The following UNC13B variants were observed in gnomAD, a reference collection of about 807,000 sequenced individuals.
UNC13B encodes protein unc-13 homolog B.
In UNC13B, 144 loss-of-function variants were observed where a neutral mutation model predicts 211.0. The observed-to-expected ratio is 0.68, with a 90% confidence interval of 0.60 to 0.78. UNC13B has a LOEUF of 0.78. Among genes scored for constraint, UNC13B ranks in the 30% least tolerant of loss-of-function variants. The pLI is 0.00. For missense variants in UNC13B, 1,777 were observed against 2,002.0 expected (o/e 0.89, Z 2.14); for synonymous variants, 709 against 725.8 (o/e 0.98, Z 0.37).
intron 7 of UNC13B, among the ~76,000 whole-genome samples, chr9:35,289,699 G>T (rs948869170): frequency 9.9e-5 from 15 of 152,156 alleles, no homozygotes; most frequent in African/African-American, 3.6e-4. Context: ...ATTCTTGGCT[G>T]AGCATGGTGG....
intron 30 of UNC13B, 76 bp from the exon 31 acceptor site, chr9:35,398,135 G>A (rs1029254305): frequency 3.3e-5 from 46 of 1,395,148 alleles, no homozygotes; most frequent in Non-Finnish European, 3.6e-5. Context: ...GCTTTTGTGA[G>A]AGAGGGAGGG....
chr9:35,218,528 G>C (rs1824383210), intron 1 of UNC13B, among the ~76,000 whole-genome samples: 2 of 151,436 alleles, frequency 1.3e-5, no homozygotes, highest in Admixed American at 1.3e-4. Context: ...TGCCTCCCAG[G>C]CTCCATTTTT....
rs1228949207 is a variant in UNC13B at position 35,377,394 on chromosome 9, C to A, written c.9836-74C>A. ...GCATAGTTTCTCCACTGCTCTGCAG[C>A]CTCTCCCAGGCCCCATTCCTCAGCT... On this transcript the variant is annotated intron_variant, in intron 15 of 39. Transcript: ENST00000635942. 4 of 1,485,620 alleles carry A rather than the reference C, an allele frequency of 2.7e-6. No individual in the cohort carries two copies. The Admixed American group carries it at 5.5e-5, about 20-fold the overall frequency. The allele number at this position is 1,485,620 out of a possible 1,614,324, so 92.0% of individuals were successfully genotyped here.
chr9:35,351,611 G>T, intron 11 of UNC13B: 2 of 1,232,228 alleles, frequency 1.6e-6, no homozygotes, highest in Non-Finnish European at 2.0e-6. Flanking sequence ...TAAGGCTAAG[G>T]CAGAGACCAT....
intron 22 of UNC13B, 178 bp from the exon 23 acceptor site, chr9:35,385,546 T>A (rs888988436): frequency 1.0e-6 from 1 of 985,328 alleles, no homozygotes; most frequent in Non-Finnish European, 1.2e-6. Flanking sequence ...GGCAAGAGCC[T>A]GTTTGCATCA....
chr9:35,280,536 G>T (rs1262789189), intron 7 of UNC13B, among the ~76,000 whole-genome samples: 1 of 152,122 alleles, frequency 6.6e-6, no homozygotes, highest in East Asian at 1.9e-4. Context: ...AGTGCACAGG[G>T]AGTATTATTT....
At chr9:35,354,303 C>G (rs1376101997) in intron 11 of UNC13B, among the ~76,000 whole-genome samples, 1 of 152,140 alleles carries the variant, frequency 6.6e-6, no homozygotes, top group Non-Finnish European at 1.5e-5. Context: ...ATTGCCATTT[C>G]CCCAGTAGCT....
At chr9:35,275,917 A>G (rs1420886044) in intron 7 of UNC13B, among the ~76,000 whole-genome samples, 3 of 152,112 alleles carry the variant, frequency 2.0e-5, no homozygotes, top group African/African-American at 7.2e-5. Context: ...ACCAAATACT[A>G]CAATAAAATG....
intron 6 of UNC13B, among the ~76,000 whole-genome samples, chr9:35,251,580 C>T (rs1480177819): frequency 6.6e-6 from 1 of 151,998 alleles, no homozygotes; most frequent in African/African-American, 2.4e-5. Flanking sequence ...GAGCGAGATT[C>T]CCTATCAAAA....
At chr9:35,347,876 C>A (rs1832466484) in intron 11 of UNC13B, among the ~76,000 whole-genome samples, 1 of 152,140 alleles carries the variant, frequency 6.6e-6, no homozygotes, top group African/African-American at 2.4e-5. Context: ...TGTGGCTGGC[C>A]AGCCAGTGTC....
chr9:35,263,356 A>G (rs956342808), intron 7 of UNC13B, among the ~76,000 whole-genome samples: 2 of 147,608 alleles, frequency 1.4e-5, no homozygotes, highest in African/African-American at 5.0e-5. Context: ...AAAAAAAAAA[A>G]GTATTACAGT....
chr9:35,301,844 T>C lies in UNC13B; in HGVS notation c.2440T>C (p.Phe814Leu). 1 of 398,876 alleles carries C rather than the reference T, an allele frequency of 2.5e-6. No homozygotes were observed. The highest frequency in any genetic ancestry group is 3.6e-5 in the East Asian group (1 of 28,068). 24.7% of individuals were successfully genotyped at this position (398,876 alleles called of 1,614,324 possible). The part of the protein sequence containing the change: ...DDFLEPLRKS[F>L]SQFLLTSPET... ...TTTCCTTGAGCCACTCAGAAAATCA[T>C]TTAGCCAGTTTTTGCTCACTTCCCC... Residue 814 changes from phenylalanine to leucine, a missense_variant, in exon 9 of 40, where the codon TTT becomes CTT. Phe to Leu is a conservative substitution (Grantham distance 22, BLOSUM62 0). Coordinates refer to ENST00000635942, the MANE Select transcript of UNC13B (RefSeq NM_001371189.2).
At position 35,243,357 on chromosome 9, in the gene UNC13B, A is replaced by T; in HGVS notation, c.461A>T (p.Asp154Val). 1.9e-6 allele frequency: 3 copies of T among 1,613,514 alleles called. No individual in the cohort carries two copies. The highest frequency in any genetic ancestry group is 2.5e-6 in the Non-Finnish European group (3 of 1,179,584). Residue 154 changes from aspartate (D) to valine (V), a missense_variant, in exon 6 of 40, where the codon GAC becomes GTC. Transcript: ENST00000635942. Reference protein sequence around the residue: ...KWEQINALGADNEYSSQEESQ... With the variant: ...KWEQINALGAVNEYSSQEESQ... Reference sequence around the variant, plus strand: ...GAGCAAATCAATGCCTTGGGAGCTGACAATGAGGTAGGAGCAGCCTTATTT... The same window carrying T: ...GAGCAAATCAATGCCTTGGGAGCTGTCAATGAGGTAGGAGCAGCCTTATTT...
chr9:35,390,021 ATCTG>A, intron 25 of UNC13B, 48 bp downstream of exon 25: 1 of 1,606,768 alleles, frequency 6.2e-7, no homozygotes, highest in East Asian at 2.2e-5. Context: ...TGGTCTGTCC[ATCTG>A]TCTAACAACC....
chr9:35,270,550 A>G (rs943379345), intron 7 of UNC13B, among the ~76,000 whole-genome samples: 16 of 152,212 alleles, frequency 1.1e-4, no homozygotes, highest in African/African-American at 3.9e-4. Context: ...CAGTGCTATT[A>G]TCAACAATAA....
intron 1 of UNC13B, among the ~76,000 whole-genome samples, chr9:35,192,827 C>T (rs1822730432): frequency 6.6e-6 from 1 of 152,174 alleles, no homozygotes. Flanking sequence ...GGGGTGCAAG[C>T]TGAAGATGAT....
intron 3 of UNC13B, among the ~76,000 whole-genome samples, chr9:35,236,100 A>G (rs1416046309): frequency 6.6e-6 from 1 of 151,898 alleles, no homozygotes; most frequent in Non-Finnish European, 1.5e-5. Flanking sequence ...GGTAGTAAAT[A>G]TATTTATCAC....
At position 35,189,058 on chromosome 9, in the gene UNC13B, A is replaced by G. The variant is rs549916206; in HGVS notation, c.22+26753A>G. Reference sequence around the variant, plus strand: ...CACATTGTTTGCAAGATTAATTTTTACAATCTTTCTGTAACTTGCTTAAAC... The same window carrying G: ...CACATTGTTTGCAAGATTAATTTTTGCAATCTTTCTGTAACTTGCTTAAAC... On this transcript the variant is annotated intron_variant, in intron 1 of 39. Coordinates refer to ENST00000635942, the MANE Select transcript of UNC13B (RefSeq NM_001371189.2). Among the ~76,000 whole-genome samples the G allele has an allele frequency of 3.9e-5, 6 of 152,340 alleles. No homozygotes were observed. In the South Asian group the frequency reaches 8.3e-4, roughly 21 times the overall value.
At chr9:35,385,892 C>T (rs1835157563) in intron 23 of UNC13B, 79 bp downstream of exon 23, 20 of 1,539,738 alleles carry the variant, frequency 1.3e-5, no homozygotes, top group Non-Finnish European at 1.8e-6. Flanking sequence ...AATCATTGGG[C>T]AGAGTCTGAG....
Sources: gnomAD v4.1 joint callset for allele counts (sites outside exome capture counted in the v4.1 genomes callset) on GRCh38, gnomAD v4.1.1 for gene constraint, MANE v1.5 for transcripts, NCBI Gene and HGNC (gene_info 2026-07-23, HGNC 2026-07-21) for gene names.